CCDC144A: variants seen among roughly 807,000 people sequenced by gnomAD.
CCDC144A encodes coiled-coil domain-containing protein 144A.
In CCDC144A, 41 loss-of-function variants were observed where a neutral mutation model predicts 143.8. That is an observed-to-expected ratio of 0.29 (90% CI 0.22 to 0.37). CCDC144A has a LOEUF of 0.37. Ranked by LOEUF, CCDC144A falls within the 10% of genes least tolerant of loss-of-function variation. CCDC144A has a pLI of 1.00. For missense variants in CCDC144A, 637 were observed against 1,488.8 expected (o/e 0.43, Z 9.41); for synonymous variants, 242 against 517.9 (o/e 0.47, Z 7.23).
chr17:16,759,419 A>G (rs1482224925), intron 12 of CCDC144A, among the ~76,000 whole-genome samples: 1 of 152,198 alleles, frequency 6.6e-6, no homozygotes, highest in Non-Finnish European at 1.5e-5. Flanking sequence ...TGCTAAGTCA[A>G]GGACTGTCTA....
At chr17:16,702,940 T>C (rs897571483) in intron 2 of CCDC144A, among the ~76,000 whole-genome samples, 2 of 152,226 alleles carry the variant, frequency 1.3e-5, no homozygotes, top group African/African-American at 2.4e-5. Context: ...TATTTCATCA[T>C]AGTGTGGCTA....
intron 6 of CCDC144A, among the ~76,000 whole-genome samples, chr17:16,712,606 A>G (rs1912518317): frequency 6.6e-6 from 1 of 151,994 alleles, no homozygotes; most frequent in Non-Finnish European, 1.5e-5. Context: ...AGTATATATG[A>G]TATATTTATG....
the CCDC144A span, among the ~76,000 whole-genome samples, chr17:16,673,837 A>AT: frequency 6.6e-6 from 1 of 151,994 alleles, no homozygotes; most frequent in African/African-American, 2.4e-5. Context: ...TTTGAGCATT[A>AT]TTTTTTTTAA....
intron 1 of CCDC144A, chr17:16,692,044 C>T (rs1052937284): frequency 1.3e-5 from 2 of 151,814 alleles, no homozygotes; most frequent in African/African-American, 2.4e-5. Context: ...ATCAATGGAG[C>T]TGAGTAACAC....
At chr17:16,682,057 T>A in the CCDC144A span, among the ~76,000 whole-genome samples, 1 of 152,204 alleles carries the variant, frequency 6.6e-6, no homozygotes, top group African/African-American at 2.4e-5. Context: ...AAGAAATGTC[T>A]GCAGTAGAGC....
intron 8 of CCDC144A, among the ~76,000 whole-genome samples, chr17:16,726,403 A>T (rs188479685): frequency 0.01 from 1,450 of 143,144 alleles, 40 homozygotes; most frequent in African/African-American, 0.03. Context: ...AAAGAGAGAT[A>T]AAAAAAAAAG....
At chr17:16,698,317 A>AT (rs1200191630) in intron 2 of CCDC144A, among the ~76,000 whole-genome samples, 1 of 152,198 alleles carries the variant, frequency 6.6e-6, no homozygotes, top group Non-Finnish European at 1.5e-5. Context: ...GGGAGTATCA[A>AT]TTCTAACCAG....
At chr17:16,733,850 G>A (rs902878115) in intron 11 of CCDC144A, among the ~76,000 whole-genome samples, 1 of 152,146 alleles carries the variant, frequency 6.6e-6, no homozygotes, top group African/African-American at 2.4e-5. Context: ...CAAGTGCTTG[G>A]TACAAGGCCA....
chr17:16,770,377 C>G (rs1467219319), intron 15 of CCDC144A, among the ~76,000 whole-genome samples: 1 of 152,208 alleles, frequency 6.6e-6, no homozygotes, highest in African/African-American at 2.4e-5. Flanking sequence ...TCTTGATCTT[C>G]TGACCTTGTG....
intron 5 of CCDC144A, among the ~76,000 whole-genome samples, chr17:16,711,145 A>AAAAAAAAC (rs1262380413): frequency 0.035 from 4,618 of 133,380 alleles, 217 homozygotes; most frequent in East Asian, 0.12. Flanking sequence ...TGAAAAAAAA[A>AAAAAAAAC]AAAAAAAAAA....
At position 16,709,119 on chromosome 17, in the gene CCDC144A, C is replaced by T. The variant is rs751162292; in HGVS notation, c.1062C>T (p.Val354=). 6.2e-6 allele frequency: 10 copies of T among 1,611,580 alleles called. 1 individual carries two copies. In the South Asian group the frequency reaches 8.8e-5, roughly 14 times the overall value. The stretch of plus-strand genomic sequence containing the variant: ...AAGAAGATGCATCTGAAATATCTGT[C>T]TCAGTGGTATTCGAGACATTTCCTG... ...CEEEDASEIS[V]SVVFETFPEQ... is the part of the protein sequence containing the mutation. The change falls in exon 5 of 17, where the codon GTC becomes GTT. Residue 354 remains valine, a synonymous_variant. Coordinates refer to ENST00000399273, the MANE Select transcript of CCDC144A (RefSeq NM_001382000.1).
At chr17:16,700,717 T>A (rs1273371299) in intron 2 of CCDC144A, among the ~76,000 whole-genome samples, 1 of 152,098 alleles carries the variant, frequency 6.6e-6, no homozygotes, top group Non-Finnish European at 1.5e-5. Flanking sequence ...GCATCATTCA[T>A]ATTAAATAGC....
At chr17:16,769,558 A>G (rs1477573778) in intron 15 of CCDC144A, among the ~76,000 whole-genome samples, 1 of 152,210 alleles carries the variant, frequency 6.6e-6, no homozygotes, top group East Asian at 1.9e-4. Flanking sequence ...TATTTGGAGG[A>G]GAATGAATAG....
At chr17:16,747,576 G>A (rs1473185969) in intron 12 of CCDC144A, among the ~76,000 whole-genome samples, 1 of 152,058 alleles carries the variant, frequency 6.6e-6, no homozygotes, top group Non-Finnish European at 1.5e-5. Flanking sequence ...TTTTTTTGGT[G>A]TCATCTATTT....
At chr17:16,684,991 A>G (rs572380643), upstream of CCDC144A, among the ~76,000 whole-genome samples, 93 of 152,286 alleles carry the variant, frequency 6.1e-4, no homozygotes, top group African/African-American at 2.1e-3. Flanking sequence ...ACCCATGTAC[A>G]TGCATTTGAT....
At chr17:16,721,009 A>C (rs1263703040) in intron 8 of CCDC144A, among the ~76,000 whole-genome samples, 18 of 152,194 alleles carry the variant, frequency 1.2e-4, no homozygotes, top group Admixed American at 3.3e-4. Context: ...TGCAATCATA[A>C]TGATAAATTT....
Position 16,761,541 on chromosome 17 carries a change from A to AC in CCDC144A, c.3489_3490insC (p.Cys1164LeufsTer2), listed in dbSNP as rs1915371667. ...TCTCTATGAAAGCAATACAAAAGCA[A>AC]TGTGAAACACTACAGAAGAATAAGA... On this transcript the variant is annotated frameshift_variant, in exon 13 of 17. Transcript: ENST00000399273. LOFTEE classifies it high-confidence loss of function. 1 of 1,589,354 alleles carries AC rather than the reference A, an allele frequency of 6.3e-7. No individual in the cohort carries two copies. Among genetic ancestry groups the AC allele is most frequent in the Non-Finnish European group, 8.6e-7 (1 of 1,168,434 alleles).
chr17:16,753,445 T>TTG (rs1914913531), intron 12 of CCDC144A, among the ~76,000 whole-genome samples: 1 of 147,750 alleles, frequency 6.8e-6, no homozygotes, highest in Non-Finnish European at 1.5e-5. Flanking sequence ...TTTTTTTTTT[T>TTG]TTTTTTTTTT....
the CCDC144A span, among the ~76,000 whole-genome samples, chr17:16,674,870 T>G: frequency 1.3e-5 from 2 of 152,148 alleles, no homozygotes; most frequent in African/African-American, 2.4e-5. Context: ...ATTGAAGATT[T>G]ATGAGGAAAT....
Sources: allele counts gnomAD v4.1 joint callset (sites outside exome capture counted in the v4.1 genomes callset), GRCh38; gene constraint gnomAD v4.1.1; transcripts MANE v1.5; gene names NCBI Gene and HGNC (gene_info 2026-07-23, HGNC 2026-07-21).